Variants in NPAS2 observed in about 807,000 individuals in gnomAD.
NPAS2 encodes the protein neuronal PAS domain protein 2, also known as neuronal PAS domain-containing protein 2.
Under a neutral mutation model 107.5 loss-of-function variants are expected in NPAS2, and 23 were observed. That is an observed-to-expected ratio of 0.21 (90% confidence interval 0.15 to 0.30). The LOEUF (loss-of-function observed/expected upper bound fraction) is 0.30, where lower values mean the gene tolerates loss of function less well. Among genes scored for constraint, NPAS2 ranks in the 10% least tolerant of loss-of-function variants. The pLI is 1.00. For synonymous variants in NPAS2, 403 were observed against 417.5 expected (o/e 0.97, Z 0.42); for missense variants, 756 against 1,043.3 (o/e 0.72, Z 3.79).
At chr2:100,897,022 C>A (rs1037408547) in intron 1 of NPAS2, among the ~76,000 whole-genome samples, 1 of 152,074 alleles carries the variant, frequency 6.6e-6, no homozygotes, top group Non-Finnish European at 1.5e-5. Context: ...ACAATCATGG[C>A]GGAAGGGGAA....
chr2:100,821,001 C>A (rs1676036323), intron 1 of NPAS2: 2 of 1,284,614 alleles, frequency 1.6e-6, no homozygotes, highest in African/African-American at 1.5e-5. Context: ...GCCCCCCCAC[C>A]CCAACTCCGG....
chr2:100,923,364 TAA>T (rs1430712287), intron 2 of NPAS2, among the ~76,000 whole-genome samples: 1 of 152,056 alleles, frequency 6.6e-6, no homozygotes, highest in Non-Finnish European at 1.5e-5. Flanking sequence ...ATAGGACCGG[TAA>T]AAGATGGGTT....
chr2:100,899,918 T>C (rs1681665005), intron 1 of NPAS2, among the ~76,000 whole-genome samples: 1 of 152,116 alleles, frequency 6.6e-6, no homozygotes, highest in South Asian at 2.1e-4. Context: ...TGGTGAATAA[T>C]GTCCGAGCCC....
Position 100,880,605 on chromosome 2 carries a change from G to A in NPAS2, c.-22-24128G>A, listed in dbSNP as rs116262963. On this transcript the variant is annotated intron_variant, in intron 1 of 20. Coordinates refer to ENST00000335681, the MANE Select transcript of NPAS2 (RefSeq NM_002518.4). ...TTGAGACAGGGAATTGGGGGAGGTGGGAGTGAGAGCATAGCTCAGTGGGTA... is the reference window on the plus strand; with the variant it reads ...TTGAGACAGGGAATTGGGGGAGGTGAGAGTGAGAGCATAGCTCAGTGGGTA... Among the ~76,000 whole-genome samples the A allele has an allele frequency of 5.6e-3, 858 of 152,260 alleles. 5 individuals are homozygous for A. The highest frequency in any genetic ancestry group is 0.02 in the African/African-American group (815 of 41,540).
intron 4 of NPAS2, chr2:100,934,757 TG>T: frequency 1.0e-6 from 1 of 984,486 alleles, no homozygotes; most frequent in Non-Finnish European, 1.2e-6. Context: ...CAGCTGTGGT[TG>T]GGGGAGATGG....
chr2:100,963,942 A>G (rs1676062537), intron 7 of NPAS2, 116 bp from the exon 8 acceptor site: 2 of 664,758 alleles, frequency 3.0e-6, no homozygotes, highest in Non-Finnish European at 2.7e-6. Flanking sequence ...ATGAGTTAAT[A>G]TACTCTACAT....
At chr2:100,914,597 G>T (rs1039967920) in intron 2 of NPAS2, among the ~76,000 whole-genome samples, 9 of 152,126 alleles carry the variant, frequency 5.9e-5, no homozygotes, top group African/African-American at 2.2e-4. Context: ...TTCTTCAAGA[G>T]TCTCTTATAA....
In NPAS2 at chr2:100,913,223, A is replaced by G. The variant is rs866390745; in HGVS notation, c.32+8437A>G. On this transcript the variant is annotated intron_variant, in intron 2 of 20. Transcript: ENST00000335681. ...GAGCTGCACATCTATCTGCATACCT[A>G]TTTGTACCTCTTGTTCAAATACCAG... Among the ~76,000 whole-genome samples the G allele has an allele frequency of 3.9e-5, 6 of 152,160 alleles. No homozygotes were observed. The South Asian group carries it at 8.3e-4, about 21-fold the overall frequency.
intron 1 of NPAS2, among the ~76,000 whole-genome samples, chr2:100,834,306 C>G (rs2104384337): frequency 6.6e-6 from 1 of 152,336 alleles, no homozygotes; most frequent in East Asian, 1.9e-4. Flanking sequence ...ACTACCCACT[C>G]TGCCTGAATC....
At chr2:100,926,245 G>A (rs917155027) in intron 3 of NPAS2, among the ~76,000 whole-genome samples, 64 of 152,266 alleles carry the variant, frequency 4.2e-4, no homozygotes, top group Non-Finnish European at 7.2e-4. Context: ...GAACATTCAT[G>A]TACAAATTTT....
chr2:100,967,826 G>A (rs1676318296), intron 10 of NPAS2, among the ~76,000 whole-genome samples: 2 of 152,174 alleles, frequency 1.3e-5, no homozygotes, highest in Admixed American at 6.5e-5. Context: ...GAACTGTGTC[G>A]ACTGGGCATG....
In NPAS2 at chr2:100,948,226, C is replaced by A. The variant is rs762587233; in HGVS notation, c.364-9C>A. On this transcript the variant is annotated splice_polypyrimidine_tract_variant and intron_variant, in intron 5 of 20. Transcript: ENST00000335681. Reference sequence around the variant, plus strand: ...AGGGTGTACCTTTGTCCTTTATTTTCTTTTTCAGTCGGATGTCATGGATCA... The same window carrying A: ...AGGGTGTACCTTTGTCCTTTATTTTATTTTTCAGTCGGATGTCATGGATCA... 6.2e-7 allele frequency: 1 copy of A among 1,609,958 alleles called. No individual in the cohort carries two copies. Among genetic ancestry groups the A allele is most frequent in the Non-Finnish European group, 8.5e-7 (1 of 1,178,972 alleles).
Position 100,974,906 on chromosome 2 carries a change from C to T in NPAS2, c.1244C>T (p.Ser415Phe), listed in dbSNP as rs935007536. ...TCGCCATCGGCGTCCTCAAGAAGTT[C>T]CCACAAATCCTCGCACACAGCCATG... ...SHSPSASSRS[S>F]HKSSHTAMSE... Residue 415 changes from serine (S) to phenylalanine (F), a missense_variant, in exon 13 of 21, where the codon TCC becomes TTC. By Grantham distance (155) the Ser-to-Phe change is radical. Transcript: ENST00000335681. 1 of 1,614,002 alleles carries T rather than the reference C, an allele frequency of 6.2e-7. No individual in the cohort carries two copies. Among genetic ancestry groups the T allele is most frequent in the African/African-American group, 1.3e-5 (1 of 75,014 alleles).
At chr2:100,960,880 CTTG>C (rs1675877794) in intron 7 of NPAS2, among the ~76,000 whole-genome samples, 1 of 152,184 alleles carries the variant, frequency 6.6e-6, no homozygotes. Flanking sequence ...ATGTTGAGCA[CTTG>C]TTGTGTGCTC....
chr2:100,970,983 T>G lies in NPAS2; in HGVS notation c.1056-7T>G, dbSNP rs995156116. 1 of 1,613,736 alleles carries G rather than the reference T, an allele frequency of 6.2e-7. No individual in the cohort carries two copies. The highest frequency in any genetic ancestry group is 8.5e-7 in the Non-Finnish European group (1 of 1,179,800). On this transcript the variant is annotated splice_region_variant and splice_polypyrimidine_tract_variant and intron_variant, in intron 11 of 20. Transcript: ENST00000335681. ...TCTCCACTGTGGTCTCTTAATTTCC[T>G]GTACAGTTACGCAGATGTCCGGGTG...
intron 1 of NPAS2, among the ~76,000 whole-genome samples, chr2:100,894,475 A>G (rs1031785617): frequency 6.6e-6 from 1 of 152,198 alleles, no homozygotes; most frequent in African/African-American, 2.4e-5. Flanking sequence ...TGGAAGCTCC[A>G]TTGAGTTCCC....
intron 2 of NPAS2, among the ~76,000 whole-genome samples, chr2:100,924,940 G>T (rs1181300581): frequency 6.6e-6 from 1 of 152,186 alleles, no homozygotes; most frequent in Non-Finnish European, 1.5e-5. Context: ...GGTTATTAAT[G>T]CTGTCTGTCT....
chr2:100,837,794 G>A (rs1354654752), intron 1 of NPAS2, among the ~76,000 whole-genome samples: 2 of 152,204 alleles, frequency 1.3e-5, no homozygotes, highest in Non-Finnish European at 2.9e-5. Flanking sequence ...TATGCTGGGA[G>A]GAGGAGATAT....
At chr2:100,837,043 G>A (rs935376052) in intron 1 of NPAS2, among the ~76,000 whole-genome samples, 1 of 151,904 alleles carries the variant, frequency 6.6e-6, no homozygotes, top group African/African-American at 2.4e-5. Flanking sequence ...AAATTACATC[G>A]CTTACAGACA....
Sources: gnomAD v4.1 joint callset for allele counts (sites outside exome capture counted in the v4.1 genomes callset) on GRCh38, gnomAD v4.1.1 for gene constraint, MANE v1.5 for transcripts, NCBI Gene and HGNC (gene_info 2026-07-23, HGNC 2026-07-21) for gene names.